LINGO2: variants seen among roughly 807,000 people sequenced by gnomAD.
LINGO2 encodes leucine-rich repeat and immunoglobulin-like domain-containing nogo receptor-interacting protein 2.
A neutral mutation model predicts 30.6 loss-of-function variants in LINGO2; 14 were observed. The observed-to-expected ratio is 0.46, with a 90% CI of 0.30 to 0.72. The LOEUF is 0.72. Ranked by LOEUF, LINGO2 falls within the 30% of genes least tolerant of loss-of-function variation. The pLI, the probability that LINGO2 is intolerant of heterozygous loss-of-function variation, is 0.07. For missense variants in LINGO2, 729 were observed against 751.7 expected, an observed-to-expected ratio of 0.97 and a Z score of 0.35; for synonymous variants, 317 against 288.5, an observed-to-expected ratio of 1.10 and a Z score of -1.00.
the LINGO2 span, among the ~76,000 whole-genome samples, chr9:28,726,803 G>T: frequency 6.6e-6 from 1 of 152,076 alleles, no homozygotes; most frequent in Admixed American, 6.5e-5. Flanking sequence ...TTAAATGTTG[G>T]AACAATAGGA....
At chr9:28,972,921 C>T in the LINGO2 span, among the ~76,000 whole-genome samples, 1 of 152,114 alleles carries the variant, frequency 6.6e-6, no homozygotes, top group Non-Finnish European at 1.5e-5. Context: ...CCTCCCACAA[C>T]ACGTGGGGAT....
chr9:28,634,853 G>A (rs960266930), intron 1 of LINGO2, among the ~76,000 whole-genome samples: 1 of 152,104 alleles, frequency 6.6e-6, no homozygotes, highest in African/African-American at 2.4e-5. Flanking sequence ...AACAAACACA[G>A]AGTCTGTGAA....
chr9:28,102,848 C>T (rs1263599494), intron 4 of LINGO2, among the ~76,000 whole-genome samples: 1 of 152,148 alleles, frequency 6.6e-6, no homozygotes, highest in Non-Finnish European at 1.5e-5. Flanking sequence ...GACAGACATT[C>T]TTCCATGGAA....
At chr9:28,081,654 C>A (rs1189094511) in intron 4 of LINGO2, among the ~76,000 whole-genome samples, 1 of 152,154 alleles carries the variant, frequency 6.6e-6, no homozygotes, top group Non-Finnish European at 1.5e-5. Context: ...CTGCTACTTA[C>A]CCGCTGTATG....
intron 4 of LINGO2, among the ~76,000 whole-genome samples, chr9:28,049,592 C>T (rs934036791): frequency 3.3e-5 from 5 of 150,604 alleles, no homozygotes; most frequent in East Asian, 4.0e-4. Flanking sequence ...TAGATTTTAC[C>T]GCTTATTAGC....
Position 28,598,114 on chromosome 9 carries a change from C to T in LINGO2, c.-365+72086G>A, listed in dbSNP as rs185996110. On this transcript the variant is annotated intron_variant, in intron 1 of 5. Coordinates refer to ENST00000379992, the Ensembl canonical transcript of LINGO2. ...CAGTTATGAATGAATAAGTAGGTAG[C>T]TTATAGACAGCTATGATAACTAATA... Among the ~76,000 whole-genome samples the T allele has an allele frequency of 5.3e-5, 8 of 152,126 alleles. No homozygotes were observed. The East Asian group carries it at 1.4e-3, about 26-fold the overall frequency.
At chr9:28,598,045 G>A (rs181702969) in intron 1 of LINGO2, among the ~76,000 whole-genome samples, 4 of 152,230 alleles carry the variant, frequency 2.6e-5, no homozygotes, top group Admixed American at 6.5e-5. Context: ...GATTGCAGGT[G>A]TGAGCCACCA....
chr9:28,685,120 G>A, the LINGO2 span, among the ~76,000 whole-genome samples: 3 of 152,064 alleles, frequency 2.0e-5, no homozygotes, highest in Non-Finnish European at 4.4e-5. Context: ...TAGGATAATG[G>A]CTTCTAGCCC....
At chr9:28,897,877 T>C in the LINGO2 span, among the ~76,000 whole-genome samples, 1 of 152,118 alleles carries the variant, frequency 6.6e-6, no homozygotes. Context: ...TAGATAGAAA[T>C]TTGGGGTAGT....
chr9:28,557,235 A>G (rs530112608), intron 1 of LINGO2, among the ~76,000 whole-genome samples: 9,006 of 151,718 alleles, frequency 0.059, 498 homozygotes, highest in African/African-American at 0.14. Flanking sequence ...GAAAATTTTC[A>G]CAACCTACTC....
At chr9:28,872,613 C>A in the LINGO2 span, among the ~76,000 whole-genome samples, 1 of 152,064 alleles carries the variant, frequency 6.6e-6, no homozygotes, top group African/African-American at 2.4e-5. Flanking sequence ...GGGATATGCA[C>A]AAAAATTCCT....
the LINGO2 span, among the ~76,000 whole-genome samples, chr9:28,815,208 G>C: frequency 6.6e-6 from 1 of 152,176 alleles, no homozygotes; most frequent in Non-Finnish European, 1.5e-5. Flanking sequence ...AAGAAATTCA[G>C]TTGTAAGTGA....
chr9:29,150,014 A>G, the LINGO2 span, among the ~76,000 whole-genome samples: 1 of 152,178 alleles, frequency 6.6e-6, no homozygotes, highest in Non-Finnish European at 1.5e-5. Context: ...CAGGCTTGGT[A>G]AAGGGGTTGT....
chr9:28,242,344 A>T (rs1821830710), intron 4 of LINGO2, among the ~76,000 whole-genome samples: 1 of 152,186 alleles, frequency 6.6e-6, no homozygotes, highest in African/African-American at 2.4e-5. Flanking sequence ...TATAAATAGC[A>T]GAATTGATCA....
At chr9:27,951,709 A>C (rs1426875468) in intron 5 of LINGO2, among the ~76,000 whole-genome samples, 1 of 152,164 alleles carries the variant, frequency 6.6e-6, no homozygotes, top group African/African-American at 2.4e-5. Context: ...TCAGGGGTAC[A>C]CTTTATCCAC....
At chr9:28,941,488 T>C in the LINGO2 span, among the ~76,000 whole-genome samples, 1 of 152,130 alleles carries the variant, frequency 6.6e-6, no homozygotes, top group Non-Finnish European at 1.5e-5. Context: ...TATTGTGTGA[T>C]AAGCCCCTTT....
chr9:28,973,773 C>T, the LINGO2 span, among the ~76,000 whole-genome samples: 1 of 152,058 alleles, frequency 6.6e-6, no homozygotes. Context: ...CCACTTTTAC[C>T]TTATAATAGT....
chr9:28,482,590 T>TG (rs1826018591), intron 1 of LINGO2, among the ~76,000 whole-genome samples: 1 of 152,182 alleles, frequency 6.6e-6, no homozygotes, highest in African/African-American at 2.4e-5. Context: ...TTCACTCTGA[T>TG]GGTAGTTTCT....
chr9:28,749,710 A>G, the LINGO2 span, among the ~76,000 whole-genome samples: 1 of 152,198 alleles, frequency 6.6e-6, no homozygotes, highest in Non-Finnish European at 1.5e-5. Flanking sequence ...GGAAGGTCCT[A>G]CAAAATGCAA....
Sources: allele counts gnomAD v4.1 joint callset (sites outside exome capture counted in the v4.1 genomes callset), GRCh38; gene constraint gnomAD v4.1.1; transcripts MANE v1.5; gene names NCBI Gene and HGNC (gene_info 2026-07-23, HGNC 2026-07-21).